The following CD6 variants were observed in gnomAD, a reference collection of about 807,000 sequenced individuals.
CD6 encodes T-cell differentiation antigen CD6.
A neutral mutation model predicts 75.3 loss-of-function variants in CD6; 53 were observed. The observed-to-expected ratio is 0.70, with a 90% CI of 0.56 to 0.88. CD6 has a LOEUF of 0.88. Among genes scored for constraint, CD6 ranks in the 40% least tolerant of loss-of-function variants. The pLI is 0.00. For synonymous variants in CD6, 359 were observed against 381.5 expected, an observed-to-expected ratio of 0.94 and a Z score of 0.69; for missense variants, 770 against 897.1, an observed-to-expected ratio of 0.86 and a Z score of 1.81.
In CD6 at chr11:61,013,422, G is replaced by C. The variant is rs368907143; in HGVS notation, c.1151-1G>C. ...TCCTGAATTGGAATTCTTGTTTCCAGAATCTTCTGTGACAGTGAAAATAGA... is the reference window on the plus strand; with the variant it reads ...TCCTGAATTGGAATTCTTGTTTCCACAATCTTCTGTGACAGTGAAAATAGA... On this transcript the variant is annotated splice_acceptor_variant, in intron 6 of 12. Transcript: ENST00000313421. LOFTEE classifies it high-confidence loss of function. 1 of 1,613,484 alleles carries C rather than the reference G, an allele frequency of 6.2e-7. No individual in the cohort carries two copies. Among genetic ancestry groups the C allele is most frequent in the East Asian group, 2.2e-5 (1 of 44,878 alleles).
intron 1 of CD6, among the ~76,000 whole-genome samples, chr11:60,973,470 C>T (rs1231925196): frequency 6.6e-6 from 1 of 152,226 alleles, no homozygotes; most frequent in African/African-American, 2.4e-5. Flanking sequence ...ACTTGACTCA[C>T]TTGTTGTTAT....
At chr11:61,014,990 T>G (rs1233697116) in intron 8 of CD6, among the ~76,000 whole-genome samples, 1 of 152,222 alleles carries the variant, frequency 6.6e-6, no homozygotes. Flanking sequence ...ATAAGGCAGC[T>G]GCTCACTGAA....
chr11:60,985,504 T>C (rs7126517), intron 1 of CD6, among the ~76,000 whole-genome samples: 3,196 of 152,156 alleles, frequency 0.021, 111 homozygotes, highest in African/African-American at 0.072. Flanking sequence ...TTTTATAAAC[T>C]TAAGTTTATT....
At chr11:60,991,642 G>A (rs1204059308) in intron 1 of CD6, among the ~76,000 whole-genome samples, 1 of 151,066 alleles carries the variant, frequency 6.6e-6, no homozygotes, top group Non-Finnish European at 1.5e-5. Context: ...GGGTTTTTAT[G>A]GTAATCTTTC....
rs937659017 is a variant in CD6 at position 60,971,773 on chromosome 11, G to A, written c.-93G>A. On this transcript the variant is annotated 5_prime_UTR_variant, in exon 1 of 13. Coordinates refer to ENST00000313421, the MANE Select transcript of CD6 (RefSeq NM_006725.5). ...ACAGCAAAGGGTAGAGCAGACCTGCGCCAGGGGCGCACAACGGCCGTGTCC... is the reference window on the plus strand; with the variant it reads ...ACAGCAAAGGGTAGAGCAGACCTGCACCAGGGGCGCACAACGGCCGTGTCC... 60 of 1,293,216 alleles carry A rather than the reference G, an allele frequency of 4.6e-5. No individual in the cohort carries two copies. Among genetic ancestry groups the A allele is most frequent in the South Asian group, 4.1e-4 (33 of 81,254 alleles). 80.1% of individuals were successfully genotyped at this position (1,293,216 alleles called of 1,614,324 possible).
At chr11:60,997,976 C>T (rs907995450) in intron 1 of CD6, among the ~76,000 whole-genome samples, 1 of 152,268 alleles carries the variant, frequency 6.6e-6, no homozygotes, top group East Asian at 1.9e-4. Flanking sequence ...AATGTATGCT[C>T]CTCCCCTGCG....
intron 1 of CD6, among the ~76,000 whole-genome samples, chr11:60,987,094 C>T (rs112464908): frequency 0.016 from 2,452 of 152,172 alleles, 79 homozygotes; most frequent in African/African-American, 0.056. Context: ...CACCACAGTG[C>T]GAGACTCCAT....
chr11:61,016,557 A>C (rs909490914), intron 9 of CD6, among the ~76,000 whole-genome samples: 4 of 152,252 alleles, frequency 2.6e-5, no homozygotes, highest in Admixed American at 1.3e-4. Flanking sequence ...GCTGCTGTGC[A>C]GTCCCTAAGA....
In CD6 at chr11:61,018,317, C is replaced by A; in HGVS notation, c.1866C>A (p.Ser622Arg). Residue 622 changes from serine (S) to arginine (R), a missense_variant, in exon 12 of 13, where the codon AGC (serine) becomes AGA (arginine). By Grantham distance (110) the Ser-to-Arg change is moderately radical (BLOSUM62 -1). Coordinates refer to ENST00000313421, the MANE Select transcript of CD6 (RefSeq NM_006725.5). Reference protein sequence around the residue: ...SAGPPADDSSSTSSGEWYQNF... With the variant: ...SAGPPADDSSRTSSGEWYQNF... ...GGCCCCCGGCTGATGACAGCTCCAG[C>A]ACCTCATCCGGGGAGTGGTACCAGA... 1.9e-6 allele frequency: 3 copies of A among 1,607,680 alleles called. No individual in the cohort carries two copies. The highest frequency in any genetic ancestry group is 2.5e-6 in the Non-Finnish European group (3 of 1,177,332).
intron 1 of CD6, among the ~76,000 whole-genome samples, chr11:61,002,930 G>T (rs1245095918): frequency 6.7e-6 from 1 of 149,234 alleles, no homozygotes; most frequent in Non-Finnish European, 1.5e-5. Context: ...GTTCATGAAG[G>T]CAGACTCCTC....
At chr11:61,014,329 G>A (rs1185471075) in intron 8 of CD6, among the ~76,000 whole-genome samples, 4 of 152,234 alleles carry the variant, frequency 2.6e-5, no homozygotes, top group Non-Finnish European at 5.9e-5. Context: ...TTGGCTAGTA[G>A]GCTTGTGATA....
chr11:61,017,026 A>T, intron 9 of CD6: 1 of 171,504 alleles, frequency 5.8e-6, no homozygotes, highest in South Asian at 1.4e-4. Context: ...CCAGACACTC[A>T]TATCCTCAAG....
chr11:60,979,493 G>C (rs1328676052), intron 1 of CD6, among the ~76,000 whole-genome samples: 3 of 150,684 alleles, frequency 2.0e-5, no homozygotes, highest in African/African-American at 4.9e-5. Flanking sequence ...TTGAGACGGA[G>C]TCTCAGTCTG....
In CD6 at chr11:61,019,266, C is replaced by T. The variant is rs1859566414; in HGVS notation, c.1955C>T (p.Pro652Leu). ...TCTCTGCCCACAGGGTCCCCCAGCC[C>T]TCAGCCTGACTCCACCGACAACGAT... is the stretch of plus-strand genomic sequence containing the variant. ...EQFGCPGSPS[P>L]QPDSTDNDDY... is the part of the protein sequence containing the mutation. Residue 652 changes from proline (P) to leucine (L), a missense_variant, in exon 13 of 13, where the codon CCT becomes CTT. Transcript: ENST00000313421. The T allele has an allele frequency of 1.2e-6, 2 of 1,611,420 alleles. No individual in the cohort carries two copies. Among genetic ancestry groups the T allele is most frequent in the Non-Finnish European group, 1.7e-6 (2 of 1,179,824 alleles).
chr11:60,985,870 G>A (rs556894627), intron 1 of CD6, among the ~76,000 whole-genome samples: 75 of 152,244 alleles, frequency 4.9e-4, no homozygotes, highest in Non-Finnish European at 9.8e-4. Context: ...CCTTAATGCA[G>A]TCGGACAGAA....
intron 5 of CD6, among the ~76,000 whole-genome samples, chr11:61,010,209 G>A (rs923381905): frequency 2.0e-5 from 3 of 152,200 alleles, no homozygotes; most frequent in Non-Finnish European, 4.4e-5. Context: ...GCAGGCCCTA[G>A]TAATAATATC....
rs149373430 is a variant in CD6, at chr11:60,978,298, A to C, written c.49+6384A>C. Among the ~76,000 whole-genome samples, 365 of 152,214 alleles carry C rather than the reference A, an allele frequency of 2.4e-3. 3 individuals carry two copies. Among genetic ancestry groups the C allele is most frequent in the Middle Eastern group, 0.017 (5 of 292 alleles). ...TGCAGCCTGGGGTTACGTCCTACAC[A>C]TGAGACCCCCATTTCAGGGGCTCCC... On this transcript the variant is annotated intron_variant, in intron 1 of 12. Transcript: ENST00000313421.
intron 1 of CD6, among the ~76,000 whole-genome samples, chr11:60,976,268 G>A (rs1306971774): frequency 1.3e-5 from 2 of 152,130 alleles, no homozygotes; most frequent in African/African-American, 2.4e-5. Flanking sequence ...TGAGAATGTG[G>A]TGTTTGACTT....
intron 1 of CD6, among the ~76,000 whole-genome samples, chr11:60,985,649 C>G (rs901494756): frequency 2.0e-5 from 3 of 152,176 alleles, no homozygotes; most frequent in African/African-American, 7.2e-5. Flanking sequence ...CATGAGCTGT[C>G]TCTCCATTCA....
Sources: gnomAD v4.1 joint callset for allele counts (sites outside exome capture counted in the v4.1 genomes callset) on GRCh38, gnomAD v4.1.1 for gene constraint, MANE v1.5 for transcripts, NCBI Gene and HGNC (gene_info 2026-07-23, HGNC 2026-07-21) for gene names.